Variants in DLG2 observed in about 807,000 individuals in gnomAD.
The protein encoded by DLG2 is disks large homolog 2.
A neutral mutation model predicts 132.5 loss-of-function variants in DLG2; 45 were observed. The ratio of observed to expected loss-of-function variants is 0.34; its 90% CI spans 0.27 to 0.44. DLG2 has a LOEUF of 0.44. Ranked by LOEUF, DLG2 falls within the 20% of genes least tolerant of loss-of-function variation. The pLI is 1.00. For synonymous variants in DLG2, 424 were observed against 419.6 expected (o/e 1.01, Z -0.13); for missense variants, 1,045 against 1,196.9 (o/e 0.87, Z 1.87).
At chr11:84,386,871 C>G (rs890021706) in intron 7 of DLG2, among the ~76,000 whole-genome samples, 2 of 152,030 alleles carry the variant, frequency 1.3e-5, no homozygotes, top group African/African-American at 4.8e-5. Context: ...AGTACTTCAC[C>G]AGCCTTCCTA....
At chr11:85,438,709 A>T (rs1248504871) in intron 3 of DLG2, among the ~76,000 whole-genome samples, 1 of 152,144 alleles carries the variant, frequency 6.6e-6, no homozygotes, top group Admixed American at 6.6e-5. Context: ...TCATGTGTAT[A>T]TAGGAGAATT....
At chr11:85,520,541 A>ACACAC in intron 3 of DLG2, among the ~76,000 whole-genome samples, 1 of 151,506 alleles carries the variant, frequency 6.6e-6, no homozygotes, top group South Asian at 2.1e-4. Context: ...ACACACACAC[A>ACACAC]AAGAATAACC....
intron 21 of DLG2, among the ~76,000 whole-genome samples, chr11:83,520,695 G>GTAGATAGATAGATAGATAGATAGA (rs72459775): frequency 2.7e-5 from 4 of 149,030 alleles, no homozygotes; most frequent in East Asian, 2.0e-4. Flanking sequence ...AAGTAGGTAG[G>GTAGATAGATAGATAGATAGATAGA]TAGATAGATA....
chr11:84,780,295 T>A (rs2071491564), intron 6 of DLG2, among the ~76,000 whole-genome samples: 1 of 151,790 alleles, frequency 6.6e-6, no homozygotes, highest in South Asian at 2.1e-4. Flanking sequence ...ATCATCTCAA[T>A]AGACAAAGAA....
intron 6 of DLG2, among the ~76,000 whole-genome samples, chr11:85,063,560 A>C (rs1451530057): frequency 6.6e-6 from 1 of 151,838 alleles, no homozygotes; most frequent in Non-Finnish European, 1.5e-5. Flanking sequence ...ACTTTTAAAG[A>C]CTTATATGGT....
intron 6 of DLG2, among the ~76,000 whole-genome samples, chr11:85,030,288 A>C (rs925655646): frequency 1.1e-4 from 16 of 152,168 alleles, no homozygotes; most frequent in African/African-American, 3.6e-4. Flanking sequence ...TAAGTCAGTA[A>C]ATGGAGTATA....
At chr11:84,584,060 A>T (rs941286821) in intron 6 of DLG2, among the ~76,000 whole-genome samples, 2 of 152,156 alleles carry the variant, frequency 1.3e-5, no homozygotes, top group Non-Finnish European at 2.9e-5. Context: ...TATGGTATAT[A>T]TATCTAAGAG....
At chr11:85,184,076 G>C (rs1378749550) in intron 4 of DLG2, among the ~76,000 whole-genome samples, 2 of 151,774 alleles carry the variant, frequency 1.3e-5, no homozygotes, top group African/African-American at 4.8e-5. Flanking sequence ...AAGTTTCTTT[G>C]ACCCTAGTCC....
chr11:84,928,982 G>GTGTGTGTGTGTATA (rs1400906684), intron 6 of DLG2, among the ~76,000 whole-genome samples: 24 of 49,114 alleles, frequency 4.9e-4, no homozygotes, highest in African/African-American at 1.5e-3. Context: ...GTGTGTGTGT[G>GTGTGTGTGTGTATA]TATATATATA....
chr11:84,985,581 T>G (rs2056370302), intron 6 of DLG2, among the ~76,000 whole-genome samples: 1 of 151,006 alleles, frequency 6.6e-6, no homozygotes, highest in Non-Finnish European at 1.5e-5. Flanking sequence ...AAGACAAACA[T>G]GAACAAACCA....
At chr11:85,062,750 C>G (rs557412915) in intron 6 of DLG2, among the ~76,000 whole-genome samples, 1 of 151,558 alleles carries the variant, frequency 6.6e-6, no homozygotes, top group Admixed American at 6.6e-5. Flanking sequence ...AGAGGCAGAT[C>G]TGAAACTAAA....
At chr11:84,631,004 TCTCTCTCTCTCTCTCACACACACA>T (rs2099630722) in intron 6 of DLG2, among the ~76,000 whole-genome samples, 1 of 128,778 alleles carries the variant, frequency 7.8e-6, no homozygotes, top group Non-Finnish European at 1.6e-5. Context: ...TCTCTCTCTC[TCTCTCTCTCTCTCTCACACACACA>T]CACACACACA....
At chr11:83,629,652 T>A (rs983705406) in intron 19 of DLG2, among the ~76,000 whole-genome samples, 1 of 152,162 alleles carries the variant, frequency 6.6e-6, no homozygotes, top group Non-Finnish European at 1.5e-5. Flanking sequence ...AAAAGCCTTG[T>A]TCTTTCTTTA....
At chr11:84,949,379 T>C (rs2050636199) in intron 6 of DLG2, among the ~76,000 whole-genome samples, 2 of 152,066 alleles carry the variant, frequency 1.3e-5, no homozygotes, top group African/African-American at 4.8e-5. Context: ...GCTAATGAAG[T>C]TGAGACAGGG....
intron 4 of DLG2, among the ~76,000 whole-genome samples, chr11:85,177,875 A>C (rs2079410872): frequency 1.3e-5 from 2 of 152,126 alleles, no homozygotes; most frequent in African/African-American, 4.8e-5. Flanking sequence ...TACTTCTGCC[A>C]AAAATATATA....
intron 4 of DLG2, among the ~76,000 whole-genome samples, chr11:85,278,794 C>T (rs1351410723): frequency 6.6e-6 from 1 of 152,120 alleles, no homozygotes; most frequent in Non-Finnish European, 1.5e-5. Flanking sequence ...ATCATCCTTT[C>T]TCGGCTATAG....
intron 6 of DLG2, among the ~76,000 whole-genome samples, chr11:84,907,770 C>G (rs533304854): frequency 2.6e-5 from 4 of 152,180 alleles, no homozygotes; most frequent in Admixed American, 2.6e-4. Flanking sequence ...TGCATTCTCC[C>G]AAGACAATAT....
intron 16 of DLG2, among the ~76,000 whole-genome samples, chr11:83,866,332 G>A (rs1274509362): frequency 6.6e-6 from 1 of 152,106 alleles, no homozygotes; most frequent in Admixed American, 6.6e-5. Flanking sequence ...GAAAGTTTGG[G>A]ACAGATAAAA....
At chr11:84,569,669 G>T (rs1301223095) in intron 6 of DLG2, among the ~76,000 whole-genome samples, 1 of 152,164 alleles carries the variant, frequency 6.6e-6, no homozygotes, top group African/African-American at 2.4e-5. Flanking sequence ...TAGAATGATG[G>T]TTCTGAGAAG....
Sources: gnomAD v4.1 joint callset for allele counts (sites outside exome capture counted in the v4.1 genomes callset) on GRCh38, gnomAD v4.1.1 for gene constraint, MANE v1.5 for transcripts, NCBI Gene and HGNC (gene_info 2026-07-23, HGNC 2026-07-21) for gene names.